ZFP90: variants seen among roughly 807,000 people sequenced by gnomAD.
ZFP90 encodes the protein ZFP90 zinc finger protein, also known as zinc finger protein 90 homolog.
Under a neutral mutation model 60.8 loss-of-function variants are expected in ZFP90, and 38 were observed. The observed-to-expected ratio is 0.62, with a 90% confidence interval of 0.48 to 0.82. ZFP90 has a LOEUF of 0.82. Ranked by LOEUF, ZFP90 falls within the 40% of genes least tolerant of loss-of-function variation. ZFP90 has a pLI of 0.00. For missense variants in ZFP90, 711 were observed against 759.1 expected (o/e 0.94, Z 0.74); for synonymous variants, 287 against 264.8 (o/e 1.08, Z -0.82).
At chr16:68,542,002 G>A (rs1021020601) in intron 2 of ZFP90, among the ~76,000 whole-genome samples, 11 of 152,148 alleles carry the variant, frequency 7.2e-5, no homozygotes, top group South Asian at 2.1e-4. Flanking sequence ...AGATAACCAG[G>A]GATGAAGGAC....
chr16:68,570,036 ATGTGTGTGTGTATACGTGTGTGTG>A (rs1320631644), downstream of ZFP90, among the ~76,000 whole-genome samples: 3 of 101,028 alleles, frequency 3.0e-5, no homozygotes, highest in South Asian at 3.4e-4. Context: ...CTCAAATTAT[ATGTGTGTGTGTATACGTGTGTGTG>A]TGTGTGTGTG....
At chr16:68,571,472 G>A (rs574861458), downstream of ZFP90, among the ~76,000 whole-genome samples, 1 of 152,226 alleles carries the variant, frequency 6.6e-6, no homozygotes, top group South Asian at 2.1e-4. Flanking sequence ...GTTAAAGTTG[G>A]CCTCCTTTTT....
chr16:68,549,765 A>G (rs2091225191), intron 2 of ZFP90, among the ~76,000 whole-genome samples: 2 of 151,086 alleles, frequency 1.3e-5, no homozygotes, highest in South Asian at 4.2e-4. Context: ...CCAAATGCTG[A>G]AGGGGGATGG....
downstream of ZFP90, among the ~76,000 whole-genome samples, chr16:68,569,891 A>G (rs1277417382): frequency 1.3e-5 from 2 of 152,116 alleles, no homozygotes; most frequent in Non-Finnish European, 2.9e-5. Flanking sequence ...ACCTAAGATC[A>G]AGTCGTCCTC....
At position 68,544,888 on chromosome 16, in the gene ZFP90, T is replaced by C. The variant is rs1286799957; in HGVS notation, c.33+5063T>C. On this transcript the variant is annotated intron_variant, in intron 2 of 4. Transcript: ENST00000563169. ...CCTTTTTTTTTTTTTTTTTTTTTTTTTTTTTTTTTTTTTGAGATGGAGTCT... is the reference window on the plus strand; with the variant it reads ...CCTTTTTTTTTTTTTTTTTTTTTTTCTTTTTTTTTTTTTGAGATGGAGTCT... Among the ~76,000 whole-genome samples, 7 of 32,776 alleles carry C rather than the reference T, an allele frequency of 2.1e-4. 1 individual carries two copies. Among genetic ancestry groups the C allele is most frequent in the Admixed American group, 1.8e-3 (6 of 3,426 alleles). The allele number at this position is 32,776 out of a possible 152,430, so 21.5% of individuals were successfully genotyped here.
At chr16:68,557,838 C>T (rs1275217068) in intron 2 of ZFP90, among the ~76,000 whole-genome samples, 160 bp from the exon 3 acceptor site, 1 of 148,484 alleles carries the variant, frequency 6.7e-6, no homozygotes. Flanking sequence ...AGATCCTTTA[C>T]AAAATTATGT....
intron 1 of ZFP90, 60 bp from the exon 2 acceptor site, chr16:68,539,698 G>T (rs1303742859): frequency 5.9e-6 from 8 of 1,355,846 alleles, no homozygotes; most frequent in Non-Finnish European, 6.9e-6. Flanking sequence ...GTGGGGCGGG[G>T]CGGGGCGGGG....
chr16:68,572,519 C>T (rs2091573647), intron 2 of ZFP90, among the ~76,000 whole-genome samples: 1 of 152,118 alleles, frequency 6.6e-6, no homozygotes, highest in African/African-American at 2.4e-5. Context: ...CCATAGGACT[C>T]ACTAGATGTG....
At position 68,565,000 on chromosome 16, in the gene ZFP90, C is replaced by T. The variant is rs2091502843; in HGVS notation, c.*302C>T. On this transcript the variant is annotated 3_prime_UTR_variant, in exon 5 of 5. Transcript: ENST00000563169. ...ATATCATCAAGTTTCAACATCTTGACTTGTGACCCCCAATGTCAACAGCTT... is the reference window on the plus strand; with the variant it reads ...ATATCATCAAGTTTCAACATCTTGATTTGTGACCCCCAATGTCAACAGCTT... 1.9e-6 allele frequency: 2 copies of T among 1,075,650 alleles called. No homozygotes were observed. The highest frequency in any genetic ancestry group is 2.2e-6 in the Non-Finnish European group (2 of 889,040). 66.6% of individuals were successfully genotyped at this position (1,075,650 alleles called of 1,614,324 possible).
chr16:68,548,024 A>G lies in ZFP90; in HGVS notation c.33+8199A>G, dbSNP rs148652890. 1.8e-4 allele frequency among the ~76,000 whole-genome samples: 27 copies of G among 152,058 alleles called. No individual in the cohort carries two copies. In the East Asian group the frequency reaches 5.2e-3, roughly 29 times the overall value. On this transcript the variant is annotated intron_variant, in intron 2 of 4. Transcript: ENST00000563169. ...GATTTTTTAGTAGAGATGGAGTTTCACCATGTCGGTCAGGCTGGTCTCGAA... is the reference window on the plus strand; with the variant it reads ...GATTTTTTAGTAGAGATGGAGTTTCGCCATGTCGGTCAGGCTGGTCTCGAA...
At chr16:68,556,341 G>T (rs1419588506) in intron 2 of ZFP90, among the ~76,000 whole-genome samples, 1 of 152,140 alleles carries the variant, frequency 6.6e-6, no homozygotes. Context: ...CCATGGGATG[G>T]TAGAGGAAAA....
In ZFP90 at chr16:68,564,938, G is replaced by A. The variant is rs1005314277; in HGVS notation, c.*240G>A. ...GTAGCTGGTTGGGGATGATATGCCTGTATGTTGGACTTTGCTTTTGAATAT... is the reference window on the plus strand; with the variant it reads ...GTAGCTGGTTGGGGATGATATGCCTATATGTTGGACTTTGCTTTTGAATAT... On this transcript the variant is annotated 3_prime_UTR_variant, in exon 5 of 5. Transcript: ENST00000563169. The A allele has an allele frequency of 1.5e-5, 19 of 1,257,084 alleles. No individual in the cohort carries two copies. Among genetic ancestry groups the A allele is most frequent in the Non-Finnish European group, 1.8e-5 (18 of 1,001,928 alleles). The allele number at this position is 1,257,084 out of a possible 1,614,324, so 77.9% of individuals were successfully genotyped here. A position where few individuals can be genotyped will look rare whatever the true frequency, so the allele number is the denominator to read the frequency against.
downstream of ZFP90, among the ~76,000 whole-genome samples, chr16:68,567,571 A>G (rs1204974851): frequency 1.3e-5 from 2 of 152,158 alleles, no homozygotes; most frequent in African/African-American, 2.4e-5. Flanking sequence ...AAAGGCCTAG[A>G]GCTTCCTGGA....
At chr16:68,550,641 T>G (rs1597727798) in intron 2 of ZFP90, among the ~76,000 whole-genome samples, 2 of 152,244 alleles carry the variant, frequency 1.3e-5, no homozygotes, top group African/African-American at 4.8e-5. Context: ...TTTCTTTTCC[T>G]CCTAGCATTT....
downstream of ZFP90, among the ~76,000 whole-genome samples, chr16:68,570,100 C>A (rs771203739): frequency 5.3e-5 from 8 of 151,790 alleles, no homozygotes; most frequent in Non-Finnish European, 1.0e-4. Context: ...CCTACCACTC[C>A]ATTTCTTGCA....
rs1020513039 is a variant in ZFP90, at chr16:68,564,229, A to C, written c.1442A>C (p.Glu481Ala). The stretch of plus-strand genomic sequence containing the variant: ...ACTGCAGAGAACCCCTATGATTGTG[A>C]GCAGGCTTTTAGTCAGCAAGCTATT... The part of the protein sequence containing the change: ...IHTAENPYDC[E>A]QAFSQQAISH... The change falls in exon 5 of 5, where the codon GAG (glutamate) becomes GCG (alanine). Residue 481 changes from glutamate (E) to alanine (A), a missense_variant. Glu to Ala is a moderately radical substitution (Grantham distance 107). Coordinates refer to ENST00000563169, the MANE Select transcript of ZFP90 (RefSeq NM_001305203.2). The C allele has an allele frequency of 6.2e-7, 1 of 1,613,866 alleles. No homozygotes were observed.
intron 1 of ZFP90, 135 bp from the exon 2 acceptor site, chr16:68,539,623 C>T (rs1363323934): frequency 7.7e-6 from 5 of 653,230 alleles, no homozygotes; most frequent in African/African-American, 3.9e-5. Context: ...TGGGGAGCGG[C>T]AGGCCCGGGC....
rs182113832 is a variant in ZFP90 at position 68,566,705 on chromosome 16, C to T, written c.*2007C>T. ...TTCTATTATCTGATACATAGTTTGACAATGGGTAATTCTACTCAGACCCTC... is the reference window on the plus strand; with the variant it reads ...TTCTATTATCTGATACATAGTTTGATAATGGGTAATTCTACTCAGACCCTC... On this transcript the variant is annotated 3_prime_UTR_variant, in exon 5 of 5. Transcript: ENST00000563169. 33 of 985,554 alleles carry T rather than the reference C, an allele frequency of 3.3e-5. No homozygotes were observed. In the Admixed American group the frequency reaches 2.0e-3, roughly 59 times the overall value. 61.1% of individuals were successfully genotyped at this position (985,554 alleles called of 1,614,324 possible).
rs574922774 is a variant in ZFP90 at position 68,565,360 on chromosome 16, T to G, written c.*662T>G. The G allele has an allele frequency of 9.8e-5, 97 of 985,494 alleles. No individual in the cohort carries two copies. Among genetic ancestry groups the G allele is most frequent in the Non-Finnish European group, 1.1e-4 (94 of 829,952 alleles). 61.0% of individuals were successfully genotyped at this position (985,494 alleles called of 1,614,324 possible). A position where few individuals can be genotyped will look rare whatever the true frequency, so the allele number is the denominator to read the frequency against. ...GAGGGCTTTAAAATAAATTTTAAGA[T>G]GTATCAGATACACAAACATTTAATG... On this transcript the variant is annotated 3_prime_UTR_variant, in exon 5 of 5. Coordinates refer to ENST00000563169, the MANE Select transcript of ZFP90 (RefSeq NM_001305203.2).
Sources: allele counts gnomAD v4.1 joint callset (sites outside exome capture counted in the v4.1 genomes callset), GRCh38; gene constraint gnomAD v4.1.1; transcripts MANE v1.5; gene names NCBI Gene and HGNC (gene_info 2026-07-23, HGNC 2026-07-21).